LRRTM4: variants seen among roughly 807,000 people sequenced by gnomAD.
LRRTM4 encodes the protein leucine-rich repeat transmembrane neuronal protein 4.
Under a neutral mutation model 47.6 loss-of-function variants are expected in LRRTM4, and 25 were observed. The ratio of observed to expected loss-of-function variants is 0.53; its 90% CI spans 0.38 to 0.73. LRRTM4 has a LOEUF of 0.73. LRRTM4 is among the 30% of genes least tolerant of loss of function. The pLI, the probability that LRRTM4 is intolerant of heterozygous loss-of-function variation, is 0.00. For missense variants in LRRTM4, 638 were observed against 713.4 expected, an observed-to-expected ratio of 0.89 and a Z score of 1.20; for synonymous variants, 311 against 269.5, an observed-to-expected ratio of 1.15 and a Z score of -1.51.
intron 3 of LRRTM4, among the ~76,000 whole-genome samples, chr2:76,780,662 A>G: frequency 6.6e-6 from 1 of 152,042 alleles, no homozygotes; most frequent in Non-Finnish European, 1.5e-5. Flanking sequence ...ACATTCTTCT[A>G]AATTTTTTTC....
chr2:77,151,021 C>T (rs1672404525), intron 3 of LRRTM4, among the ~76,000 whole-genome samples: 1 of 151,996 alleles, frequency 6.6e-6, no homozygotes, highest in African/African-American at 2.4e-5. Flanking sequence ...AAACTGTTCG[C>T]ATATTTACTG....
intron 3 of LRRTM4, among the ~76,000 whole-genome samples, chr2:76,849,136 A>G (rs947359439): frequency 6.6e-6 from 1 of 152,134 alleles, no homozygotes; most frequent in African/African-American, 2.4e-5. Flanking sequence ...GAGAGCACAC[A>G]GTATTAATAA....
intron 3 of LRRTM4, among the ~76,000 whole-genome samples, chr2:77,185,469 C>T (rs1044656165): frequency 2.0e-5 from 3 of 152,110 alleles, no homozygotes; most frequent in Non-Finnish European, 2.9e-5. Flanking sequence ...ATATCACTCC[C>T]TTCTCACACA....
At chr2:77,248,331 A>G (rs1196136523) in intron 3 of LRRTM4, among the ~76,000 whole-genome samples, 3 of 152,060 alleles carry the variant, frequency 2.0e-5, no homozygotes, top group Non-Finnish European at 4.4e-5. Flanking sequence ...TAAAATAGAT[A>G]TAAATCTAAC....
At chr2:77,247,409 T>G (rs747936885) in intron 3 of LRRTM4, among the ~76,000 whole-genome samples, 11 of 152,116 alleles carry the variant, frequency 7.2e-5, no homozygotes, top group Non-Finnish European at 1.2e-4. Flanking sequence ...TTTCTCTTTT[T>G]TTGTTACATA....
At chr2:77,277,988 C>A (rs571995552) in intron 3 of LRRTM4, among the ~76,000 whole-genome samples, 14 of 151,890 alleles carry the variant, frequency 9.2e-5, no homozygotes, top group Non-Finnish European at 2.1e-4. Flanking sequence ...CTGTCTCTTT[C>A]TCTCTCTTTC....
chr2:76,903,265 G>A (rs1041123179), intron 3 of LRRTM4, among the ~76,000 whole-genome samples: 43 of 151,762 alleles, frequency 2.8e-4, no homozygotes, highest in Middle Eastern at 3.4e-3. Flanking sequence ...AGCTGGGTGT[G>A]GTGGAGGACA....
chr2:76,882,629 C>A (rs1315536351), intron 3 of LRRTM4, among the ~76,000 whole-genome samples: 5 of 152,030 alleles, frequency 3.3e-5, no homozygotes, highest in Non-Finnish European at 5.9e-5. Flanking sequence ...CTACTAGTAG[C>A]CAACTAGTCA....
chr2:76,962,775 G>T (rs1675903331), intron 3 of LRRTM4, among the ~76,000 whole-genome samples: 1 of 150,270 alleles, frequency 6.7e-6, no homozygotes, highest in Non-Finnish European at 1.5e-5. Flanking sequence ...ATTTCAAAGG[G>T]TATTACAGCT....
rs75944383 is a variant in LRRTM4, at chr2:77,163,002, T to C, written c.1551+355316A>G. Among the ~76,000 whole-genome samples, 1,337 of 151,910 alleles carry C rather than the reference T, an allele frequency of 8.8e-3. 30 individuals are homozygous for C. Among genetic ancestry groups the C allele is most frequent in the African/African-American group, 0.031 (1,285 of 41,488 alleles). On this transcript the variant is annotated intron_variant, in intron 3 of 3. Transcript: ENST00000409884. ...TTGATGAGTTGAGAGAAGAAGTCTT[T>C]AGACAATAGGTAATAACAAACTTCT...
intron 3 of LRRTM4, among the ~76,000 whole-genome samples, chr2:76,985,369 T>C (rs975055920): frequency 6.6e-6 from 1 of 152,038 alleles, no homozygotes; most frequent in African/African-American, 2.4e-5. Flanking sequence ...TCACAGAGTT[T>C]GCTTTCAGCT....
rs1262328826 is a variant in LRRTM4, at chr2:77,222,073, C to T, written c.1551+296245G>A. 2.0e-5 allele frequency among the ~76,000 whole-genome samples: 3 copies of T among 152,286 alleles called. No homozygotes were observed. The East Asian group carries it at 5.8e-4, about 29-fold the overall frequency. On this transcript the variant is annotated intron_variant, in intron 3 of 3. Coordinates refer to ENST00000409884, the MANE Select transcript of LRRTM4 (RefSeq NM_001134745.3). ...AAACTCACTCAAAACCGCTCAACTA[C>T]ATGGAAACAGAACAACCTGCTCCTG...
chr2:76,900,684 A>G (rs1673593993), intron 3 of LRRTM4, among the ~76,000 whole-genome samples: 1 of 152,194 alleles, frequency 6.6e-6, no homozygotes, highest in African/African-American at 2.4e-5. Context: ...AGTAACTGAA[A>G]AAAATGGGAC....
intron 3 of LRRTM4, among the ~76,000 whole-genome samples, chr2:77,155,863 T>G (rs1049967421): frequency 2.0e-5 from 3 of 152,064 alleles, no homozygotes; most frequent in Admixed American, 6.6e-5. Context: ...AAAATATCTA[T>G]CACATAACAG....
intron 3 of LRRTM4, among the ~76,000 whole-genome samples, chr2:77,493,228 T>G (rs990300880): frequency 6.6e-6 from 1 of 152,064 alleles, no homozygotes; most frequent in Non-Finnish European, 1.5e-5. Flanking sequence ...TAAAATTTGC[T>G]CTTAGTAATA....
intron 3 of LRRTM4, among the ~76,000 whole-genome samples, chr2:76,767,161 A>C (rs993668174): frequency 1.3e-5 from 2 of 152,142 alleles, no homozygotes; most frequent in South Asian, 2.1e-4. Context: ...TTTTTATTCA[A>C]AGTTTTGAGT....
In LRRTM4 at chr2:77,217,468, T is replaced by TATATATATATATATATAC. The variant is rs1338917871; in HGVS notation, c.1551+300849_1551+300850insGTATATATATATATATAT. Among the ~76,000 whole-genome samples the TATATATATATATATATAC allele has an allele frequency of 6.9e-3, 919 of 134,118 alleles. 33 individuals are homozygous for TATATATATATATATATAC. Among genetic ancestry groups the TATATATATATATATATAC allele is most frequent in the African/African-American group, 0.013 (454 of 34,466 alleles). The allele number at this position is 134,118 out of a possible 152,430, so 88.0% of individuals were successfully genotyped here. A position where few individuals can be genotyped will look rare whatever the true frequency, so the allele number is the denominator to read the frequency against. ...ATATATATATATATATATATATATA[T>TATATATATATATATATAC]ACTAAGCCTTTAATTTAAAAAGATA... is the stretch of plus-strand genomic sequence containing the variant. On this transcript the variant is annotated intron_variant, in intron 3 of 3. Transcript: ENST00000409884.
chr2:76,809,960 C>A (rs533531001), intron 3 of LRRTM4, among the ~76,000 whole-genome samples: 42 of 152,292 alleles, frequency 2.8e-4, no homozygotes, highest in Middle Eastern at 6.8e-3. Flanking sequence ...CCCTGACCAA[C>A]CTATAAAAAA....
At chr2:77,385,697 T>G (rs1406980304) in intron 3 of LRRTM4, among the ~76,000 whole-genome samples, 2 of 150,976 alleles carry the variant, frequency 1.3e-5, no homozygotes, top group African/African-American at 4.8e-5. Flanking sequence ...CTCTTCTTTT[T>G]CTAAAAAATA....
Sources: allele counts gnomAD v4.1 joint callset (sites outside exome capture counted in the v4.1 genomes callset), GRCh38; gene constraint gnomAD v4.1.1; transcripts MANE v1.5; gene names NCBI Gene and HGNC (gene_info 2026-07-23, HGNC 2026-07-21).